The following GLCCI1 variants were observed in gnomAD, a reference collection of about 807,000 sequenced individuals.
GLCCI1 encodes the protein glucocorticoid-induced transcript 1 protein.
In GLCCI1, 24 loss-of-function variants were observed where a neutral mutation model predicts 52.2. The ratio of observed to expected loss-of-function variants is 0.46; its 90% CI spans 0.33 to 0.65. The LOEUF (loss-of-function observed/expected upper bound fraction) is 0.65, where lower values mean the gene tolerates loss of function less well. GLCCI1 is among the 30% of genes least tolerant of loss of function. The probability of loss-of-function intolerance (pLI) is 0.02; values close to 1 mark genes in which losing one functional copy is unlikely to be tolerated. For missense variants in GLCCI1, 704 were observed against 701.5 expected (o/e 1.00, Z -0.04); for synonymous variants, 310 against 276.5 (o/e 1.12, Z -1.20).
At chr7:8,074,398 G>C (rs957864694) in intron 6 of GLCCI1, among the ~76,000 whole-genome samples, 5 of 152,082 alleles carry the variant, frequency 3.3e-5, no homozygotes, top group Admixed American at 3.3e-4. Context: ...TCTGGGTTTT[G>C]CTATTTTTAA....
rs1419090166 is a variant in GLCCI1, at chr7:7,969,290, GCGCGCCTCCCGCCC to G, written c.-51_-38del. 3 of 1,206,760 alleles carry G rather than the reference GCGCGCCTCCCGCCC, an allele frequency of 2.5e-6. No homozygotes were observed. The highest frequency in any genetic ancestry group is 1.5e-5 in the South Asian group (1 of 65,516). 74.8% of individuals were successfully genotyped at this position (1,206,760 alleles called of 1,614,324 possible). ...CTATCGCGCCGGCTCCCACACGCTC[GCGCGCCTCCCGCCC>G]CGCGCCTCCGTGTCGGCCGGCGGCG... is the stretch of plus-strand genomic sequence containing the variant. On this transcript the variant is annotated 5_prime_UTR_variant, in exon 1 of 8. Transcript: ENST00000223145. The surrounding 1 kb of genome is among the most constrained non-coding windows in gnomAD (Gnocchi z 4.9).
At chr7:7,975,250 G>A (rs1178217516) in intron 1 of GLCCI1, among the ~76,000 whole-genome samples, 3 of 152,136 alleles carry the variant, frequency 2.0e-5, no homozygotes, top group African/African-American at 7.2e-5. Context: ...ACAAATTGTG[G>A]AAAAGTATTT....
rs201496276 is a variant in GLCCI1, at chr7:7,988,275, A to AG, written c.458-15632dup. On this transcript the variant is annotated intron_variant, in intron 1 of 7. Transcript: ENST00000223145. ...TACGTGTTTTAATGCTGATGAGCAGAGTTTTTTGTTTTGTTTTGTTTTGTT... is the reference window on the plus strand; with the variant it reads ...TACGTGTTTTAATGCTGATGAGCAGAGGTTTTTTGTTTTGTTTTGTTTTGTT... Among the ~76,000 whole-genome samples the AG allele has an allele frequency of 2.9e-3, 443 of 152,240 alleles. 8 individuals are homozygous for AG. In the East Asian group the frequency reaches 0.049, roughly 17 times the overall value.
At chr7:8,054,299 G>A (rs903015015) in intron 3 of GLCCI1, among the ~76,000 whole-genome samples, 1 of 152,096 alleles carries the variant, frequency 6.6e-6, no homozygotes, top group African/African-American at 2.4e-5. Flanking sequence ...CAGTTCAATA[G>A]AGAGGAAGGC....
chr7:8,009,619 C>A (rs1055549530), intron 2 of GLCCI1, among the ~76,000 whole-genome samples: 1 of 152,188 alleles, frequency 6.6e-6, no homozygotes, highest in African/African-American at 2.4e-5. Flanking sequence ...AGGGAAGTAA[C>A]TGTTCATTCC....
At chr7:7,973,555 A>C (rs962212770) in intron 1 of GLCCI1, among the ~76,000 whole-genome samples, 1 of 152,126 alleles carries the variant, frequency 6.6e-6, no homozygotes, top group Non-Finnish European at 1.5e-5. Context: ...ACCAAATCTG[A>C]TAACAAAAAC....
chr7:7,975,736 A>G (rs1241789238), intron 1 of GLCCI1, among the ~76,000 whole-genome samples: 3 of 152,112 alleles, frequency 2.0e-5, no homozygotes, highest in Non-Finnish European at 2.9e-5. Context: ...ATTTTTCTCC[A>G]TTTCTTTCTT....
At chr7:8,084,689 T>C in intron 6 of GLCCI1, 1 of 477,070 alleles carries the variant, frequency 2.1e-6, no homozygotes, top group Non-Finnish European at 3.7e-6. Flanking sequence ...CCTTTTTATG[T>C]TCTATGGTGT....
At chr7:8,049,224 C>G (rs1782203670) in intron 3 of GLCCI1, among the ~76,000 whole-genome samples, 1 of 151,954 alleles carries the variant, frequency 6.6e-6, no homozygotes, top group African/African-American at 2.4e-5. Context: ...TTGATAGGGT[C>G]TCCTTTTTAA....
chr7:7,981,081 C>A, intron 1 of GLCCI1: 1 of 471,832 alleles, frequency 2.1e-6, no homozygotes, highest in Non-Finnish European at 4.1e-6. Flanking sequence ...TGGTGGGAGA[C>A]CTACCTGATG....
chr7:8,022,667 C>T (rs1202002470), intron 3 of GLCCI1, 98 bp downstream of exon 3: 1 of 580,414 alleles, frequency 1.7e-6, no homozygotes, highest in Admixed American at 3.2e-5. Flanking sequence ...TTTATCCTAA[C>T]CTTACCTCTT....
At chr7:8,029,637 G>C (rs1382876855) in intron 3 of GLCCI1, among the ~76,000 whole-genome samples, 1 of 152,098 alleles carries the variant, frequency 6.6e-6, no homozygotes, top group Non-Finnish European at 1.5e-5. Context: ...CTTGTTTGTA[G>C]ATGATATAAT....
At chr7:8,046,729 T>A (rs937173097) in intron 3 of GLCCI1, among the ~76,000 whole-genome samples, 1 of 152,190 alleles carries the variant, frequency 6.6e-6, no homozygotes. Context: ...CCATAAAATG[T>A]ATAAAACCAA....
intron 6 of GLCCI1, among the ~76,000 whole-genome samples, chr7:8,071,651 G>A (rs1392651360): frequency 2.6e-5 from 4 of 151,976 alleles, no homozygotes; most frequent in Non-Finnish European, 5.9e-5. Flanking sequence ...AGAACATCTG[G>A]GATTCTTATT....
At chr7:8,071,963 C>G (rs963916604) in intron 6 of GLCCI1, among the ~76,000 whole-genome samples, 2 of 151,964 alleles carry the variant, frequency 1.3e-5, no homozygotes, top group African/African-American at 4.8e-5. Context: ...CTGAATTGAC[C>G]CCATCCCCTA....
intron 5 of GLCCI1, among the ~76,000 whole-genome samples, chr7:8,063,693 A>C (rs2127962005): frequency 7.5e-6 from 1 of 133,624 alleles, no homozygotes; most frequent in African/African-American, 2.9e-5. Context: ...GTCATGGCTT[A>C]CTGTGGCCTC....
chr7:8,047,082 G>A (rs1782147251), intron 3 of GLCCI1, among the ~76,000 whole-genome samples: 2 of 152,068 alleles, frequency 1.3e-5, no homozygotes, highest in South Asian at 4.1e-4. Flanking sequence ...ACACATTCTA[G>A]CAATTAGGGA....
chr7:7,976,143 C>T (rs1177874842), intron 1 of GLCCI1, among the ~76,000 whole-genome samples: 1 of 152,102 alleles, frequency 6.6e-6, no homozygotes, highest in East Asian at 1.9e-4. Context: ...AGTCCACCAT[C>T]GTATACCTTA....
chr7:8,060,000 GT>G, intron 4 of GLCCI1, 95 bp from the exon 5 acceptor site: 1 of 1,033,574 alleles, frequency 9.7e-7, no homozygotes, highest in Non-Finnish European at 1.4e-6. Flanking sequence ...AAATAACTCC[GT>G]TCATTGAGTT....
Sources: gnomAD v4.1 joint callset for allele counts (sites outside exome capture counted in the v4.1 genomes callset) on GRCh38, gnomAD v4.1.1 for gene constraint, Gnocchi (gnomAD v3.1) non-coding constraint, MANE v1.5 for transcripts, NCBI Gene and HGNC (gene_info 2026-07-23, HGNC 2026-07-21) for gene names.